DLG2: variants seen among roughly 807,000 people sequenced by gnomAD.
The protein encoded by DLG2 is disks large homolog 2.
DLG2 carries 45 observed loss-of-function variants against 132.5 expected under a neutral mutation model. That is an observed-to-expected ratio of 0.34 (90% CI 0.27 to 0.44). DLG2 has a LOEUF of 0.44. Among genes scored for constraint, DLG2 ranks in the 20% least tolerant of loss-of-function variants. The pLI is 1.00. For missense variants in DLG2, 1,045 were observed against 1,196.9 expected, an observed-to-expected ratio of 0.87 and a Z score of 1.87; for synonymous variants, 424 against 419.6, an observed-to-expected ratio of 1.01 and a Z score of -0.13.
At chr11:84,547,431 T>C (rs1466550065) in intron 6 of DLG2, among the ~76,000 whole-genome samples, 2 of 152,142 alleles carry the variant, frequency 1.3e-5, no homozygotes, top group Non-Finnish European at 2.9e-5. Context: ...AACCTTCTCT[T>C]TGCACTTTTG....
intron 15 of DLG2, among the ~76,000 whole-genome samples, chr11:83,889,293 G>A (rs1301477772): frequency 8.6e-5 from 13 of 152,040 alleles, no homozygotes; most frequent in East Asian, 5.8e-4. Context: ...AAAAGTGGGT[G>A]AAGGACATGA....
chr11:83,995,267 G>A (rs979491705), intron 11 of DLG2, among the ~76,000 whole-genome samples: 5 of 152,088 alleles, frequency 3.3e-5, no homozygotes, highest in African/African-American at 1.2e-4. Flanking sequence ...TGGAAAAAAT[G>A]AAGAAAGGCA....
intron 11 of DLG2, among the ~76,000 whole-genome samples, chr11:84,044,638 G>T (rs1446093465): frequency 6.6e-6 from 1 of 151,682 alleles, no homozygotes; most frequent in Admixed American, 6.6e-5. Context: ...ACACCAAGTT[G>T]CATCTAATTG....
chr11:85,502,189 G>T (rs957697712), intron 3 of DLG2, among the ~76,000 whole-genome samples: 1 of 152,074 alleles, frequency 6.6e-6, no homozygotes, highest in East Asian at 2.0e-4. Flanking sequence ...AACAGCTCAT[G>T]TTTTCATTCA....
At chr11:85,369,477 T>A (rs899091114) in intron 3 of DLG2, among the ~76,000 whole-genome samples, 3 of 152,170 alleles carry the variant, frequency 2.0e-5, no homozygotes, top group African/African-American at 7.2e-5. Flanking sequence ...ACTTTTTTTT[T>A]CCTTTTAGAA....
intron 6 of DLG2, among the ~76,000 whole-genome samples, chr11:84,785,079 A>T (rs1051269974): frequency 1.3e-5 from 2 of 152,230 alleles, no homozygotes; most frequent in East Asian, 1.9e-4. Context: ...TTTTGTGTCA[A>T]TTTAAAAATA....
chr11:85,449,912 G>A (rs1565506786), intron 3 of DLG2, among the ~76,000 whole-genome samples: 1 of 151,930 alleles, frequency 6.6e-6, no homozygotes, highest in African/African-American at 2.4e-5. Context: ...TGGATCACCT[G>A]AGGTCGGGAG....
At chr11:84,868,794 G>C (rs1048345043) in intron 6 of DLG2, among the ~76,000 whole-genome samples, 5 of 152,158 alleles carry the variant, frequency 3.3e-5, no homozygotes, top group African/African-American at 1.2e-4. Flanking sequence ...CATTTACTAG[G>C]AAAACTTGAT....
chr11:84,706,014 T>A (rs2059739427), intron 6 of DLG2, among the ~76,000 whole-genome samples: 1 of 151,762 alleles, frequency 6.6e-6, no homozygotes, highest in Non-Finnish European at 1.5e-5. Context: ...GAGTTCAATA[T>A]GAAGGAAAGA....
chr11:84,200,105 G>GA (rs1407054908), intron 8 of DLG2, among the ~76,000 whole-genome samples: 1 of 151,948 alleles, frequency 6.6e-6, no homozygotes, highest in African/African-American at 2.4e-5. Flanking sequence ...AAACTTCTTA[G>GA]AAAAAATAAT....
At chr11:84,885,000 C>A (rs1314373817) in intron 6 of DLG2, among the ~76,000 whole-genome samples, 2 of 152,066 alleles carry the variant, frequency 1.3e-5, no homozygotes, top group African/African-American at 4.8e-5. Context: ...ATCTAACCAA[C>A]AACATCATCA....
intron 6 of DLG2, among the ~76,000 whole-genome samples, chr11:84,996,375 C>T (rs115460422): frequency 0.011 from 1,612 of 152,106 alleles, 36 homozygotes; most frequent in African/African-American, 0.037. Context: ...CTCTTAACTT[C>T]TCCCTTATAT....
chr11:84,602,324 G>T (rs1035143596), intron 6 of DLG2, among the ~76,000 whole-genome samples: 1 of 147,090 alleles, frequency 6.8e-6, no homozygotes, highest in Non-Finnish European at 1.5e-5. Flanking sequence ...CCATTCTACT[G>T]GTGAAAAAAA....
intron 8 of DLG2, among the ~76,000 whole-genome samples, chr11:84,213,982 TG>T (rs2096794635): frequency 6.6e-6 from 1 of 151,402 alleles, no homozygotes; most frequent in African/African-American, 2.4e-5. Context: ...TGTTCATTAT[TG>T]GTTATTAATA....
intron 7 of DLG2, among the ~76,000 whole-genome samples, chr11:84,434,378 G>A (rs2098994210): frequency 6.6e-6 from 1 of 152,050 alleles, no homozygotes; most frequent in Admixed American, 6.6e-5. Context: ...ATTCAGACAA[G>A]ACAGATTAGT....
At chr11:84,339,264 G>A (rs1339472280) in intron 7 of DLG2, among the ~76,000 whole-genome samples, 1 of 152,166 alleles carries the variant, frequency 6.6e-6, no homozygotes, top group Admixed American at 6.5e-5. Context: ...ATAGGATGAA[G>A]GGGGCCTACA....
chr11:85,125,335 G>A (rs925521173), intron 5 of DLG2, among the ~76,000 whole-genome samples: 4 of 152,150 alleles, frequency 2.6e-5, no homozygotes, highest in African/African-American at 9.7e-5. Flanking sequence ...GTAACATCCT[G>A]TAATCATGTT....
Position 85,285,324 on chromosome 11 carries a change from T to C in DLG2, c.82A>G (p.Lys28Glu). ...FYEVTLLNSQ[K>E]SCEQKIEEAN... ...TCTTCTATCTTCTGCTCACAACTTT[T>C]TTGAGAATTTAGCAATGTCACCTCA... The change falls in exon 4 of 28, where the codon AAA becomes GAA. Residue 28 changes from lysine (K) to glutamate (E), a missense_variant. Physicochemically the swap from Lys to Glu is moderately conservative, Grantham distance 56. Transcript: ENST00000376104. 2.5e-6 allele frequency: 4 copies of C among 1,611,826 alleles called. No individual in the cohort carries two copies. The highest frequency in any genetic ancestry group is 3.4e-6 in the Non-Finnish European group (4 of 1,178,604).
At chr11:83,945,763 G>A (rs538869224) in intron 14 of DLG2, among the ~76,000 whole-genome samples, 14 of 150,070 alleles carry the variant, frequency 9.3e-5, no homozygotes, top group South Asian at 2.1e-4. Context: ...GTTTAGGGTC[G>A]TCCGCTATTT....
Sources: gnomAD v4.1 joint callset for allele counts (sites outside exome capture counted in the v4.1 genomes callset) on GRCh38, gnomAD v4.1.1 for gene constraint, MANE v1.5 for transcripts, NCBI Gene and HGNC (gene_info 2026-07-23, HGNC 2026-07-21) for gene names.